The following DOCK8 variants were observed in gnomAD, a reference collection of about 807,000 sequenced individuals.
DOCK8 encodes the protein dedicator of cytokinesis protein 8.
Under a neutral mutation model 245.6 loss-of-function variants are expected in DOCK8, and 141 were observed. The observed-to-expected ratio is 0.57, with a 90% CI of 0.50 to 0.66. DOCK8 has a LOEUF of 0.66. Ranked by LOEUF, DOCK8 falls within the 30% of genes least tolerant of loss-of-function variation. DOCK8 has a pLI of 0.00. For missense variants in DOCK8, 2,965 were observed against 2,603.4 expected (o/e 1.14, Z -3.02); for synonymous variants, 1,168 against 970.2 (o/e 1.20, Z -3.79).
upstream of DOCK8, chr9:213,764 T>C (rs963370243): frequency 2.0e-5 from 3 of 151,730 alleles, no homozygotes; most frequent in Non-Finnish European, 4.4e-5. Flanking sequence ...GGAGACTTGC[T>C]CTGTCGCCAG....
At position 328,001 on chromosome 9, in the gene DOCK8, CACTTT is replaced by C; in HGVS notation, c.895-20_895-16del. On this transcript the variant is annotated splice_polypyrimidine_tract_variant and intron_variant, in intron 8 of 47. Transcript: ENST00000432829. The stretch of plus-strand genomic sequence containing the variant: ...AATGCAACAGGTCTAACTTATATTT[CACTTT>C]GCTGCTCATTTACAGATCTCAGAAA... The C allele has an allele frequency of 6.2e-7, 1 of 1,611,116 alleles. No homozygotes were observed. The highest frequency in any genetic ancestry group is 1.1e-5 in the South Asian group (1 of 90,962).
intron 38 of DOCK8, among the ~76,000 whole-genome samples, 158 bp downstream of exon 38, chr9:434,133 T>G (rs954306580): frequency 2.0e-5 from 3 of 152,136 alleles, no homozygotes; most frequent in African/African-American, 4.8e-5. Context: ...GTAGGTTAAT[T>G]CATATGTAAG....
intron 9 of DOCK8, among the ~76,000 whole-genome samples, chr9:329,228 A>G (rs1196640616): frequency 1.3e-5 from 2 of 152,178 alleles, no homozygotes; most frequent in African/African-American, 4.8e-5. Flanking sequence ...TTGGGATTAC[A>G]GGCGTGAGCC....
At chr9:266,461 C>T (rs1275836383) in intron 1 of DOCK8, among the ~76,000 whole-genome samples, 2 of 152,152 alleles carry the variant, frequency 1.3e-5, no homozygotes, top group Admixed American at 6.5e-5. Flanking sequence ...TAAAAATCAC[C>T]TGGAATTGCT....
rs2047011648 is a variant in DOCK8, at chr9:227,304, C to A, written c.53+12275C>A. On this transcript the variant is annotated intron_variant, in intron 1 of 47. Coordinates refer to ENST00000432829, the MANE Select transcript of DOCK8 (RefSeq NM_203447.4). Reference sequence around the variant, plus strand: ...TTTGGGGGGATGATTTTTTACTTCCCTCGTAGAGGTTTTGTTTAAGACGAT... The same window carrying A: ...TTTGGGGGGATGATTTTTTACTTCCATCGTAGAGGTTTTGTTTAAGACGAT... Among the ~76,000 whole-genome samples the A allele has an allele frequency of 9.9e-5, 15 of 152,258 alleles. 1 individual carries two copies. In the South Asian group the frequency reaches 3.1e-3, roughly 32 times the overall value.
At chr9:403,895 T>TATATATATATATATATATATAC (rs2055243014) in intron 26 of DOCK8, among the ~76,000 whole-genome samples, 1 of 63,464 alleles carries the variant, frequency 1.6e-5, no homozygotes, top group Non-Finnish European at 2.6e-5. Flanking sequence ...TCTCTCTCTA[T>TATATATATATATATATATATAC]ATATATATAT....
At chr9:327,627 G>A (rs996664544) in intron 8 of DOCK8, among the ~76,000 whole-genome samples, 2 of 152,060 alleles carry the variant, frequency 1.3e-5, no homozygotes, top group Non-Finnish European at 2.9e-5. Flanking sequence ...AAACTCGTGA[G>A]CTCAAGCAAT....
intron 29 of DOCK8, among the ~76,000 whole-genome samples, chr9:417,306 T>G (rs1024351869): frequency 5.9e-5 from 9 of 152,230 alleles, no homozygotes; most frequent in African/African-American, 2.2e-4. Flanking sequence ...AAATAAATAA[T>G]AAGAACTGGG....
chr9:328,223 G>A, intron 9 of DOCK8, 52 bp downstream of exon 9: 1 of 1,573,170 alleles, frequency 6.4e-7, no homozygotes. Flanking sequence ...TTGCTGTGTT[G>A]TTCCCAGCAC....
chr9:371,686 G>C, intron 17 of DOCK8, 120 bp downstream of exon 17: 3 of 1,359,138 alleles, frequency 2.2e-6, no homozygotes, highest in Non-Finnish European at 3.1e-6. Context: ...AGCAAAACAT[G>C]CTAAGCCACA....
Position 332,406 on chromosome 9 carries a change from A to G in DOCK8, c.1053A>G (p.Lys351=). 1 of 1,611,096 alleles carries G rather than the reference A, an allele frequency of 6.2e-7. No homozygotes were observed. Among genetic ancestry groups the G allele is most frequent in the Non-Finnish European group, 8.5e-7 (1 of 1,177,300 alleles). The part of the protein sequence containing the change: ...SDIYLVVKIE[K]VLQQGEIGDC... Reference sequence around the variant, plus strand: ...ATTCTTTTTATTGGTAGATTGAAAAAGTCCTGCAGCAGGGAGAGATTGGAG... The same window carrying G: ...ATTCTTTTTATTGGTAGATTGAAAAGGTCCTGCAGCAGGGAGAGATTGGAG... Residue 351 remains lysine (K), a synonymous_variant, in exon 10 of 48, where the codon AAA becomes AAG. Transcript: ENST00000432829.
intron 26 of DOCK8, among the ~76,000 whole-genome samples, chr9:403,051 C>T (rs1425902535): frequency 1.3e-5 from 2 of 151,866 alleles, no homozygotes; most frequent in Admixed American, 6.6e-5. Flanking sequence ...CACCACTCCC[C>T]GCTAATTTTT....
At chr9:382,090 C>T (rs560224321) in intron 21 of DOCK8, among the ~76,000 whole-genome samples, 1 of 152,188 alleles carries the variant, frequency 6.6e-6, no homozygotes, top group Admixed American at 6.5e-5. Flanking sequence ...GTTCAGATGA[C>T]TCTATGGATT....
intron 1 of DOCK8, among the ~76,000 whole-genome samples, chr9:232,639 C>T (rs1204304781): frequency 6.6e-5 from 10 of 152,060 alleles, no homozygotes; most frequent in South Asian, 6.2e-4. Context: ...GTGTATGTGT[C>T]GAGGAATTTA....
chr9:414,822 A>G lies in DOCK8; in HGVS notation c.3571A>G (p.Ser1191Gly), dbSNP rs1170848299. Reference sequence around the variant, plus strand: ...AAGGAAAGCTGTCAGTGCAATTCACAGCCTGCTAAGTTCTCACGACCTGGA... The same window carrying G: ...AAGGAAAGCTGTCAGTGCAATTCACGGCCTGCTAAGTTCTCACGACCTGGA... The part of the protein sequence containing the change: ...VQRKAVSAIH[S>G]LLSSHDLDPR... The change falls in exon 29 of 48, where the codon AGC (serine) becomes GGC (glycine). Residue 1191 changes from serine (S) to glycine (G), a missense_variant. Around this residue, in one of 3 missense-constraint regions of DOCK8, gnomAD observed 2,825 missense variants for 2,453.5 expected, o/e 1.15. Transcript: ENST00000432829. The G allele has an allele frequency of 1.2e-6, 2 of 1,614,210 alleles. No homozygotes were observed. The highest frequency in any genetic ancestry group is 8.5e-7 in the Non-Finnish European group (1 of 1,180,034).
At chr9:297,472 G>C (rs1430363172) in intron 4 of DOCK8, among the ~76,000 whole-genome samples, 1 of 152,178 alleles carries the variant, frequency 6.6e-6, no homozygotes, top group Non-Finnish European at 1.5e-5. Flanking sequence ...GGAAGCAATA[G>C]GTCGAGTTCA....
intron 26 of DOCK8, among the ~76,000 whole-genome samples, chr9:402,408 C>T (rs2055154111): frequency 6.7e-6 from 1 of 150,264 alleles, no homozygotes; most frequent in Admixed American, 6.7e-5. Context: ...GCATTCATTT[C>T]CTCATCTGCA....
At chr9:351,900 C>T (rs572959258) in intron 14 of DOCK8, among the ~76,000 whole-genome samples, 1 of 152,322 alleles carries the variant, frequency 6.6e-6, no homozygotes, top group African/African-American at 2.4e-5. Context: ...TCCCTGAAGT[C>T]AGCAAGAACC....
chr9:361,851 C>G (rs2052746353), intron 14 of DOCK8, among the ~76,000 whole-genome samples: 1 of 152,168 alleles, frequency 6.6e-6, no homozygotes, highest in Non-Finnish European at 1.5e-5. Context: ...CATTTTCTAG[C>G]TGCTAACCTT....
Sources: allele counts gnomAD v4.1 joint callset (sites outside exome capture counted in the v4.1 genomes callset), GRCh38; gene constraint gnomAD v4.1.1; regional missense constraint gnomAD v4.1.1; transcripts MANE v1.5; gene names NCBI Gene and HGNC (gene_info 2026-07-23, HGNC 2026-07-21).